The following NBEA variants were observed in gnomAD, a reference collection of about 807,000 sequenced individuals.
The protein encoded by NBEA is lysosomal-trafficking regulator 2.
In NBEA, 44 loss-of-function variants were observed where a neutral mutation model predicts 343.4. The ratio of observed to expected loss-of-function variants is 0.13; its 90% CI spans 0.10 to 0.16. NBEA has a LOEUF of 0.16. Among genes scored for constraint, NBEA ranks in the 10% least tolerant of loss-of-function variants. The pLI is 1.00. For synonymous variants in NBEA, 1,175 were observed against 1,238.7 expected, an observed-to-expected ratio of 0.95 and a Z score of 1.08; for missense variants, 2,555 against 3,631.3, an observed-to-expected ratio of 0.70 and a Z score of 7.62.
intron 1 of NBEA, among the ~76,000 whole-genome samples, chr13:34,973,825 C>T (rs1017782616): frequency 6.6e-6 from 1 of 152,164 alleles, no homozygotes; most frequent in Non-Finnish European, 1.5e-5. Flanking sequence ...GGATTCAGCC[C>T]CCTTCCCAGG....
intron 9 of NBEA, 98 bp from the exon 10 acceptor site, chr13:35,070,621 T>C (rs373056881): frequency 9.1e-7 from 1 of 1,095,318 alleles, no homozygotes. Context: ...AATGTCCAAG[T>C]ATGTTATTTA....
At chr13:35,203,298 A>G (rs1462409248) in intron 31 of NBEA, among the ~76,000 whole-genome samples, 1 of 152,014 alleles carries the variant, frequency 6.6e-6, no homozygotes, top group Non-Finnish European at 1.5e-5. Context: ...CTCTTGTCAC[A>G]CTAGCCTTTG....
Position 35,137,952 on chromosome 13 carries a change from A to C in NBEA, c.2337-4317A>C, listed in dbSNP as rs185820185. ...CCTTTGATGCCACAAAATCCCTTGA[A>C]ATTCAGAAAGTGGAAAATATTTGTA... is the stretch of plus-strand genomic sequence containing the variant. On this transcript the variant is annotated intron_variant, in intron 17 of 58. Transcript: ENST00000379939. Among the ~76,000 whole-genome samples the C allele has an allele frequency of 2.3e-4, 35 of 152,258 alleles. No individual in the cohort carries two copies. In the East Asian group the frequency reaches 6.7e-3, roughly 29 times the overall value.
chr13:35,640,577 T>C (rs929089434), intron 49 of NBEA, among the ~76,000 whole-genome samples: 2 of 152,180 alleles, frequency 1.3e-5, no homozygotes, highest in Admixed American at 1.3e-4. Flanking sequence ...CCCATGAAGA[T>C]GTCATAATTT....
chr13:35,378,296 T>G (rs2041846948), intron 38 of NBEA, among the ~76,000 whole-genome samples: 1 of 152,228 alleles, frequency 6.6e-6, no homozygotes, highest in Non-Finnish European at 1.5e-5. Context: ...AAAATAAGTC[T>G]ATTTTGCTAG....
chr13:35,171,194 TGTA>T, intron 25 of NBEA, 75 bp from the exon 26 acceptor site: 1 of 1,023,668 alleles, frequency 9.8e-7, no homozygotes, highest in Non-Finnish European at 1.5e-6. Context: ...TATGTTCACT[TGTA>T]GTATGTATGT....
chr13:35,421,279 T>C (rs1017165268), intron 38 of NBEA, among the ~76,000 whole-genome samples: 3 of 152,038 alleles, frequency 2.0e-5, no homozygotes, highest in Non-Finnish European at 4.4e-5. Context: ...TGTGGGTGAC[T>C]TGGTCATTTT....
At chr13:35,014,156 T>C (rs1380881046) in intron 1 of NBEA, among the ~76,000 whole-genome samples, 1 of 149,910 alleles carries the variant, frequency 6.7e-6, no homozygotes, top group Non-Finnish European at 1.5e-5. Flanking sequence ...TTTTTTTTTA[T>C]CTCAAGCAGG....
intron 22 of NBEA, among the ~76,000 whole-genome samples, chr13:35,161,163 C>T (rs1236788769): frequency 2.6e-5 from 4 of 152,034 alleles, no homozygotes; most frequent in Non-Finnish European, 5.9e-5. Flanking sequence ...AGGAAAACAT[C>T]GTGCGTTGTT....
At chr13:35,496,610 G>A (rs1385121605) in intron 41 of NBEA, among the ~76,000 whole-genome samples, 1 of 138,900 alleles carries the variant, frequency 7.2e-6, no homozygotes, top group East Asian at 2.1e-4. Context: ...CTCCAGCCTG[G>A]GTTACAGAGT....
intron 34 of NBEA, among the ~76,000 whole-genome samples, chr13:35,273,234 A>G (rs183644167): frequency 3.3e-4 from 50 of 152,312 alleles, no homozygotes; most frequent in Admixed American, 4.6e-4. Context: ...GAAACTGAAG[A>G]CCCTGCACCT....
chr13:35,321,535 T>A (rs1441493533), intron 36 of NBEA, among the ~76,000 whole-genome samples: 1 of 152,200 alleles, frequency 6.6e-6, no homozygotes, highest in African/African-American at 2.4e-5. Context: ...TCTTGACCCC[T>A]GCTGGGAGGT....
intron 34 of NBEA, among the ~76,000 whole-genome samples, chr13:35,275,741 G>A (rs1370177919): frequency 1.3e-5 from 2 of 152,044 alleles, no homozygotes; most frequent in East Asian, 3.9e-4. Flanking sequence ...GCAGCCAACG[G>A]ACACATGAAA....
chr13:35,241,836 A>G (rs182121631), intron 34 of NBEA, among the ~76,000 whole-genome samples: 2 of 151,888 alleles, frequency 1.3e-5, no homozygotes, highest in Non-Finnish European at 2.9e-5. Context: ...CCCTTATCCC[A>G]CACCCTCCTC....
chr13:35,317,263 C>CTTGAG (rs1231067297), intron 36 of NBEA, among the ~76,000 whole-genome samples: 1 of 152,124 alleles, frequency 6.6e-6, no homozygotes, highest in Non-Finnish European at 1.5e-5. Flanking sequence ...TTTAATCCAT[C>CTTGAG]TTGAGTTAAT....
At chr13:35,226,963 A>G (rs2074688089) in intron 33 of NBEA, among the ~76,000 whole-genome samples, 1 of 152,150 alleles carries the variant, frequency 6.6e-6, no homozygotes, top group Non-Finnish European at 1.5e-5. Flanking sequence ...GATATAAAGC[A>G]GTAAACTTTT....
At chr13:35,138,397 A>G (rs2067863532) in intron 17 of NBEA, among the ~76,000 whole-genome samples, 1 of 152,112 alleles carries the variant, frequency 6.6e-6, no homozygotes, top group African/African-American at 2.4e-5. Context: ...TATTTATGGT[A>G]GAAAAAAATT....
chr13:35,332,235 C>T (rs1309931855), intron 36 of NBEA, among the ~76,000 whole-genome samples: 3 of 151,940 alleles, frequency 2.0e-5, no homozygotes, highest in Admixed American at 6.6e-5. Context: ...AATAGCCAAG[C>T]TAGTGTGATA....
intron 39 of NBEA, among the ~76,000 whole-genome samples, chr13:35,434,358 G>T (rs553690628): frequency 1.5e-4 from 23 of 152,228 alleles, no homozygotes; most frequent in African/African-American, 5.3e-4. Flanking sequence ...TTAAAATACA[G>T]TATTTATGAA....
Sources: gnomAD v4.1 joint callset for allele counts (sites outside exome capture counted in the v4.1 genomes callset) on GRCh38, gnomAD v4.1.1 for gene constraint, MANE v1.5 for transcripts, NCBI Gene and HGNC (gene_info 2026-07-23, HGNC 2026-07-21) for gene names.